PAPOLA: variants seen among roughly 807,000 people sequenced by gnomAD.
The protein encoded by PAPOLA is polynucleotide adenylyltransferase alpha.
Under a neutral mutation model 100.6 loss-of-function variants are expected in PAPOLA, and 15 were observed. The ratio of observed to expected loss-of-function variants is 0.15; its 90% confidence interval spans 0.10 to 0.23. The LOEUF (loss-of-function observed/expected upper bound fraction) is 0.23, where lower values mean the gene tolerates loss of function less well. Ranked by LOEUF, PAPOLA falls within the 10% of genes least tolerant of loss-of-function variation. The pLI, the probability that PAPOLA is intolerant of heterozygous loss-of-function variation, is 1.00. For missense variants in PAPOLA, 533 were observed against 884.2 expected (o/e 0.60, Z 5.04); for synonymous variants, 293 against 300.0 (o/e 0.98, Z 0.24).
chr14:96,553,350 GA>G (rs149793776), intron 17 of PAPOLA: 8,723 of 151,946 alleles, frequency 0.057, 506 homozygotes, highest in African/African-American at 0.15. Context: ...CCCATCTCTA[GA>G]AAAAAGTAAA....
chr14:96,554,679 T>C (rs1172636158), intron 17 of PAPOLA, among the ~76,000 whole-genome samples: 1 of 152,174 alleles, frequency 6.6e-6, no homozygotes, highest in African/African-American at 2.4e-5. Flanking sequence ...ACTTTTCTGC[T>C]TTTGTTTTTC....
chr14:96,542,723 A>T (rs2140304235), intron 13 of PAPOLA, 51 bp from the exon 14 acceptor site: 1 of 1,540,984 alleles, frequency 6.5e-7, no homozygotes, highest in Non-Finnish European at 8.8e-7. Flanking sequence ...TTATTTATTT[A>T]TTTTTAAGTT....
intron 17 of PAPOLA, chr14:96,553,168 T>G (rs1900988442): frequency 6.6e-6 from 1 of 152,464 alleles, no homozygotes; most frequent in African/African-American, 2.4e-5. Flanking sequence ...ACTTCAACCT[T>G]CTGAGTAGCT....
chr14:96,502,796 G>A (rs1896390967), intron 1 of PAPOLA, 196 bp downstream of exon 1: 1 of 556,510 alleles, frequency 1.8e-6, no homozygotes, highest in Non-Finnish European at 3.0e-6. Flanking sequence ...GGGTTCCCGC[G>A]TCCCCCGACC....
intron 12 of PAPOLA, among the ~76,000 whole-genome samples, chr14:96,541,178 A>G (rs1899958932): frequency 6.6e-6 from 1 of 152,142 alleles, no homozygotes; most frequent in South Asian, 2.1e-4. Flanking sequence ...GTGAGCCACC[A>G]CACCCGGCTG....
At chr14:96,515,008 T>C (rs1315099785) in intron 1 of PAPOLA, among the ~76,000 whole-genome samples, 1 of 151,962 alleles carries the variant, frequency 6.6e-6, no homozygotes, top group Non-Finnish European at 1.5e-5. Context: ...GTTTTTTTAG[T>C]ATACAGTTAT....
intron 17 of PAPOLA, 83 bp from the exon 18 acceptor site, chr14:96,555,764 A>T (rs13329034): frequency 1.6e-6 from 1 of 642,602 alleles, no homozygotes; most frequent in Non-Finnish European, 2.6e-6. Context: ...AATAATTTCT[A>T]TATATGTTAT....
At chr14:96,517,327 T>C (rs925408960) in intron 1 of PAPOLA, among the ~76,000 whole-genome samples, 1 of 152,188 alleles carries the variant, frequency 6.6e-6, no homozygotes, top group Non-Finnish European at 1.5e-5. Flanking sequence ...CGTTAGGATA[T>C]GTGGTAAGCG....
intron 1 of PAPOLA, among the ~76,000 whole-genome samples, chr14:96,505,318 C>T (rs142710025): frequency 6.6e-6 from 1 of 152,220 alleles, no homozygotes; most frequent in African/African-American, 2.4e-5. Context: ...ACCAGATGTG[C>T]CCTGGGGTGC....
intron 19 of PAPOLA, among the ~76,000 whole-genome samples, chr14:96,559,305 T>C (rs1046677877): frequency 6.6e-6 from 1 of 151,854 alleles, no homozygotes; most frequent in Non-Finnish European, 1.5e-5. Flanking sequence ...CCCTTCTTAA[T>C]TGGGTCTTTT....
intron 18 of PAPOLA, 85 bp from the exon 19 acceptor site, chr14:96,556,090 A>T (rs1901298266): frequency 7.9e-7 from 1 of 1,261,162 alleles, no homozygotes. Context: ...TTATTCATGA[A>T]ATCAAATTCA....
At chr14:96,540,412 CCT>C (rs1491397325) in intron 12 of PAPOLA, among the ~76,000 whole-genome samples, 5 of 143,408 alleles carry the variant, frequency 3.5e-5, no homozygotes, top group African/African-American at 1.1e-4. Flanking sequence ...ATGTTCTTTA[CCT>C]TTTTTTTTTT....
At chr14:96,543,298 C>A (rs968215997) in intron 14 of PAPOLA, among the ~76,000 whole-genome samples, 1 of 152,000 alleles carries the variant, frequency 6.6e-6, no homozygotes, top group African/African-American at 2.4e-5. Flanking sequence ...TTATAAAAAT[C>A]TGATTTATGC....
chr14:96,551,157 C>T (rs965828220), intron 16 of PAPOLA, among the ~76,000 whole-genome samples: 8 of 152,300 alleles, frequency 5.3e-5, no homozygotes, highest in South Asian at 4.1e-4. Flanking sequence ...GCAAACAAAG[C>T]AAAGTAGCTT....
intron 6 of PAPOLA, among the ~76,000 whole-genome samples, chr14:96,530,648 A>G (rs1373478207): frequency 6.6e-6 from 1 of 152,042 alleles, no homozygotes; most frequent in African/African-American, 2.4e-5. Flanking sequence ...TGGCTCCCAA[A>G]GTGCTGGGAC....
At chr14:96,532,682 A>G (rs753196960) in intron 9 of PAPOLA, 33 bp downstream of exon 9, 2 of 1,543,540 alleles carry the variant, frequency 1.3e-6, no homozygotes, top group South Asian at 2.5e-5. Flanking sequence ...AATAAAATTG[A>G]TTGTAGACAC....
Position 96,532,379 on chromosome 14 carries a change from A to G in PAPOLA, c.656A>G (p.Asn219Ser). 7 of 1,613,278 alleles carry G rather than the reference A, an allele frequency of 4.3e-6. No homozygotes were observed. The highest frequency in any genetic ancestry group is 5.9e-6 in the Non-Finnish European group (7 of 1,179,778). The change falls in exon 8 of 22, where the codon AAC becomes AGC. Residue 219 changes from asparagine (N) to serine (S), a missense_variant. Asn to Ser is a conservative substitution (Grantham distance 46). This residue lies in a region of PAPOLA where 32 missense variants were observed against 95.0 expected (regional missense o/e 0.34). Coordinates refer to ENST00000216277, the MANE Select transcript of PAPOLA (RefSeq NM_032632.5). ...EILHLVPNID[N>S]FRLTLRAIKL... Reference sequence around the variant, plus strand: ...TTACATCTAGTACCAAACATTGACAACTTCAGGTTAACTCTGAGAGCTATC... The same window carrying G: ...TTACATCTAGTACCAAACATTGACAGCTTCAGGTTAACTCTGAGAGCTATC...
chr14:96,553,369 G>A (rs1901010213), intron 17 of PAPOLA: 1 of 152,320 alleles, frequency 6.6e-6, no homozygotes, highest in South Asian at 2.1e-4. Context: ...AAAAGAATTA[G>A]GTGTGGTGGT....
intron 7 of PAPOLA, chr14:96,531,899 T>C (rs1301539865): frequency 4.4e-6 from 6 of 1,352,460 alleles, no homozygotes; most frequent in Non-Finnish European, 5.7e-6. Flanking sequence ...GATCCTGTTA[T>C]TCTTTAGTAA....
Sources: gnomAD v4.1 joint callset for allele counts (sites outside exome capture counted in the v4.1 genomes callset) on GRCh38, gnomAD v4.1.1 for gene constraint, gnomAD v4.1.1 regional missense constraint, MANE v1.5 for transcripts, NCBI Gene and HGNC (gene_info 2026-07-23, HGNC 2026-07-21) for gene names.